CCNJL: variants seen among roughly 807,000 people sequenced by gnomAD.
CCNJL encodes cyclin-J-like protein.
CCNJL carries 33 observed loss-of-function variants against 33.4 expected under a neutral mutation model. The ratio of observed to expected loss-of-function variants is 0.99; its 90% CI spans 0.75 to 1.32. CCNJL has a LOEUF of 1.32. CCNJL is among the 40% of genes most tolerant of loss of function. The probability of loss-of-function intolerance (pLI) is 0.00; values close to 1 mark genes in which losing one functional copy is unlikely to be tolerated. For synonymous variants in CCNJL, 227 were observed against 220.9 expected (o/e 1.03, Z -0.24); for missense variants, 512 against 499.7 (o/e 1.02, Z -0.23).
chr5:160,250,769 CTTA>C lies in CCNJL; in HGVS notation c.*2606_*2608del, dbSNP rs1310798109. 17 of 152,274 alleles carry C rather than the reference CTTA, an allele frequency of 1.1e-4. No individual in the cohort carries two copies. Among genetic ancestry groups the C allele is most frequent in the African/African-American group, 3.9e-4 (16 of 41,558 alleles). The allele number at this position is 152,274 out of a possible 1,614,324, so 9.4% of individuals were successfully genotyped here. ...CTCATGATTTAGTTTTCTAAAAAGTCTTATTAGTGCATAAAATAATAGTGCATC... is the reference window on the plus strand; with the variant it reads ...CTCATGATTTAGTTTTCTAAAAAGTCTTAGTGCATAAAATAATAGTGCATC... On this transcript the variant is annotated 3_prime_UTR_variant, in exon 6 of 6. Coordinates refer to ENST00000257536, the MANE Select transcript of CCNJL (RefSeq NM_001308173.3).
chr5:160,280,559 G>C lies in CCNJL; in HGVS notation c.246C>G (p.Leu82=). 1 of 1,613,396 alleles carries C rather than the reference G, an allele frequency of 6.2e-7. No homozygotes were observed. The highest frequency in any genetic ancestry group is 8.5e-7 in the Non-Finnish European group (1 of 1,180,016). Residue 82 remains leucine (L), a synonymous_variant, in exon 3 of 6, where the codon CTC becomes CTG. Transcript: ENST00000257536. ...GGAGGCAGGAGACGGCCACGGTGTA[G>C]AGCTGCTTGGAGGTGGTGACGTTGT... ...DRYNVTTSKQ[L]YTVAVSCLLL... is the part of the protein sequence containing the mutation.
chr5:160,335,566 T>G (rs1245423135), intron 1 of CCNJL, among the ~76,000 whole-genome samples: 1 of 152,004 alleles, frequency 6.6e-6, no homozygotes, highest in East Asian at 1.9e-4. Flanking sequence ...GATCATTCCT[T>G]CGTCTTTCTT....
intron 5 of CCNJL, chr5:160,254,015 A>G (rs767454553): frequency 6.3e-6 from 3 of 473,080 alleles, no homozygotes; most frequent in Non-Finnish European, 1.1e-5. Flanking sequence ...TCCTACAGAA[A>G]ATTTCTTCTG....
At chr5:160,316,420 TA>T (rs5872639), upstream of CCNJL, among the ~76,000 whole-genome samples, 94,369 of 149,194 alleles carry the variant, frequency 0.63, 29,923 homozygotes, top group African/African-American at 0.74. Flanking sequence ...TATATATCCC[TA>T]AAAAAAAAAA....
rs1388148747 is a variant in CCNJL at position 160,252,397 on chromosome 5, G to C, written c.*981C>G. ...CTAGACTGGGTTAAACTCATGCCCT[G>C]TAAGTATGTGGTGGAGAGAGGTGGG... On this transcript the variant is annotated 3_prime_UTR_variant, in exon 6 of 6. Coordinates refer to ENST00000257536, the MANE Select transcript of CCNJL (RefSeq NM_001308173.3). 1.3e-5 allele frequency: 2 copies of C among 152,396 alleles called. No homozygotes were observed. Among genetic ancestry groups the C allele is most frequent in the Non-Finnish European group, 2.9e-5 (2 of 68,066 alleles). 9.4% of individuals were successfully genotyped at this position (152,396 alleles called of 1,614,324 possible).
Position 160,268,209 on chromosome 5 carries a change from G to A in CCNJL, c.281-8438C>T, listed in dbSNP as rs78350890. ...AGACAGATTTTGAGCAATTGATGGA[G>A]AGGGTGTGAAACTACTCTGAGGGCA... is the stretch of plus-strand genomic sequence containing the variant. On this transcript the variant is annotated intron_variant, in intron 3 of 5. Coordinates refer to ENST00000257536, the MANE Select transcript of CCNJL (RefSeq NM_001308173.3). Among the ~76,000 whole-genome samples, 14 of 152,348 alleles carry A rather than the reference G, an allele frequency of 9.2e-5. No individual in the cohort carries two copies. In the East Asian group the frequency reaches 2.7e-3, roughly 29 times the overall value.
intron 1 of CCNJL, among the ~76,000 whole-genome samples, chr5:160,320,830 T>TTTCTTTCC (rs1561812457): frequency 7.0e-4 from 88 of 125,764 alleles, no homozygotes; most frequent in African/African-American, 2.2e-3. Context: ...TCTTTCTTTC[T>TTTCTTTCC]TTCTTTCTTT....
chr5:160,267,352 C>A (rs760178293), intron 3 of CCNJL, among the ~76,000 whole-genome samples: 7 of 152,130 alleles, frequency 4.6e-5, no homozygotes, highest in Admixed American at 2.6e-4. Context: ...GGTTGAGTTA[C>A]CCCGATCTCC....
intron 1 of CCNJL, among the ~76,000 whole-genome samples, chr5:160,322,782 A>G (rs1763487542): frequency 6.6e-6 from 1 of 150,442 alleles, no homozygotes; most frequent in African/African-American, 2.5e-5. Flanking sequence ...TGCGCAGCGC[A>G]CCTGTAGTCC....
chr5:160,273,782 G>A (rs1241916908), intron 3 of CCNJL, among the ~76,000 whole-genome samples: 2 of 151,706 alleles, frequency 1.3e-5, no homozygotes, highest in African/African-American at 2.4e-5. Context: ...GAGTAGCTGG[G>A]ACTACAGGTG....
rs543833801 is a variant in CCNJL at position 160,250,831 on chromosome 5, T to A, written c.*2547A>T. The A allele has an allele frequency of 2.6e-5, 4 of 152,336 alleles. No individual in the cohort carries two copies. Among genetic ancestry groups the A allele is most frequent in the South Asian group, 4.1e-4 (2 of 4,832 alleles). 9.4% of individuals were successfully genotyped at this position (152,336 alleles called of 1,614,324 possible). ...AGCTGATCTTATGCTTGAAGAAATATAATAATTATCTCCTTTTTTGGAGGT... is the reference window on the plus strand; with the variant it reads ...AGCTGATCTTATGCTTGAAGAAATAAAATAATTATCTCCTTTTTTGGAGGT... On this transcript the variant is annotated 3_prime_UTR_variant, in exon 6 of 6. Transcript: ENST00000257536.
At chr5:160,315,573 A>G (rs1208015062), upstream of CCNJL, 1 of 86,272 alleles carries the variant, frequency 1.2e-5, no homozygotes, top group Non-Finnish European at 3.7e-5. Flanking sequence ...AAACAAAAAA[A>G]GATTAGAGTA....
At chr5:160,268,081 C>T (rs1410116289) in intron 3 of CCNJL, among the ~76,000 whole-genome samples, 1 of 152,188 alleles carries the variant, frequency 6.6e-6, no homozygotes, top group African/African-American at 2.4e-5. Context: ...CTCTCTTTGA[C>T]TTCTTGCAGT....
Position 160,267,423 on chromosome 5 carries a change from A to T in CCNJL, c.281-7652T>A, listed in dbSNP as rs116483317. 3.6e-3 allele frequency among the ~76,000 whole-genome samples: 552 copies of T among 152,324 alleles called. 3 individuals are homozygous for T. Among genetic ancestry groups the T allele is most frequent in the Non-Finnish European group, 6.4e-3 (434 of 68,026 alleles). ...GTCTGCTCCATGAGGGTAGGGAACA[A>T]ATCTGTCTTGCAGAACACCACAGAT... On this transcript the variant is annotated intron_variant, in intron 3 of 5. Transcript: ENST00000257536.
chr5:160,292,052 A>C (rs567678933), intron 2 of CCNJL, among the ~76,000 whole-genome samples: 1 of 151,990 alleles, frequency 6.6e-6, no homozygotes, highest in South Asian at 2.1e-4. Flanking sequence ...TCACAGTAAG[A>C]CCCCGTCTCT....
At chr5:160,255,997 T>TA (rs1429622327) in intron 4 of CCNJL, among the ~76,000 whole-genome samples, 5 of 152,208 alleles carry the variant, frequency 3.3e-5, no homozygotes, top group African/African-American at 1.2e-4. Flanking sequence ...CAAGAGATCC[T>TA]ACTACCTCAG....
rs756781676 is a variant in CCNJL at position 160,259,786 on chromosome 5, G to T, written c.281-15C>A. 6 of 1,586,264 alleles carry T rather than the reference G, an allele frequency of 3.8e-6. No homozygotes were observed. The East Asian group carries it at 1.1e-4, about 30-fold the overall frequency. On this transcript the variant is annotated splice_polypyrimidine_tract_variant and intron_variant, in intron 3 of 5. Coordinates refer to ENST00000257536, the MANE Select transcript of CCNJL (RefSeq NM_001308173.3). Reference sequence around the variant, plus strand: ...CTCGAACTTACCTGTCGGGGAGCAGGGGAAGCAGGGGTTACTGGAAGACAT... The same window carrying T: ...CTCGAACTTACCTGTCGGGGAGCAGTGGAAGCAGGGGTTACTGGAAGACAT...
At position 160,285,519 on chromosome 5, in the gene CCNJL, C is replaced by T. The variant is rs191186448; in HGVS notation, c.67-4781G>A. Reference sequence around the variant, plus strand: ...AAGGTCCTGGCCAACAGAGGGAAGTCGTGGCCAACAGAGGGAAGTCGTGAC... The same window carrying T: ...AAGGTCCTGGCCAACAGAGGGAAGTTGTGGCCAACAGAGGGAAGTCGTGAC... On this transcript the variant is annotated intron_variant, in intron 2 of 5. Transcript: ENST00000257536. Among the ~76,000 whole-genome samples the T allele has an allele frequency of 1.0e-3, 154 of 151,374 alleles. 6 individuals are homozygous for T. The highest frequency in any genetic ancestry group is 9.9e-3 in the Admixed American group (150 of 15,098).
chr5:160,320,682 G>T (rs1763429190), intron 1 of CCNJL, among the ~76,000 whole-genome samples: 1 of 152,162 alleles, frequency 6.6e-6, no homozygotes, highest in African/African-American at 2.4e-5. Flanking sequence ...GCCCACTATT[G>T]CCAGATTGTT....
Sources: allele counts gnomAD v4.1 joint callset (sites outside exome capture counted in the v4.1 genomes callset), GRCh38; gene constraint gnomAD v4.1.1; transcripts MANE v1.5; gene names NCBI Gene and HGNC (gene_info 2026-07-23, HGNC 2026-07-21).